Variants in LARS1 observed in about 807,000 individuals in gnomAD.
LARS1 encodes the protein leucine--tRNA ligase, cytoplasmic.
LARS1 carries 100 observed loss-of-function variants against 162.8 expected under a neutral mutation model. That is an observed-to-expected ratio of 0.61 (90% CI 0.52 to 0.73). The LOEUF is 0.73. Among genes scored for constraint, LARS1 ranks in the 30% least tolerant of loss-of-function variants. LARS1 has a pLI of 0.00. For missense variants in LARS1, 1,258 were observed against 1,408.9 expected (o/e 0.89, Z 1.71); for synonymous variants, 457 against 462.8 (o/e 0.99, Z 0.16).
chr5:146,143,894 C>T (rs1446576327), intron 18 of LARS1, among the ~76,000 whole-genome samples: 2 of 152,072 alleles, frequency 1.3e-5, no homozygotes, highest in African/African-American at 2.4e-5. Context: ...CCCAGCTACT[C>T]GGGAGGTTGA....
At chr5:146,154,577 C>T (rs36059140) in intron 10 of LARS1, among the ~76,000 whole-genome samples, 33,854 of 151,900 alleles carry the variant, frequency 0.22, 4,830 homozygotes, top group Admixed American at 0.34. Flanking sequence ...TAGGAGTTCG[C>T]GACCAGCCTG....
chr5:146,122,521 C>G lies in LARS1; in HGVS notation c.3163G>C (p.Gly1055Arg), dbSNP rs750823943. Residue 1055 changes from glycine to arginine, a missense_variant, in exon 30 of 32, where the codon GGG becomes CGG. Transcript: ENST00000394434. ...ATTCTAAAAACATTAAGTGGTTTCC[C>G]AGGACAGCAGTCTTCCCTGATTTTA... is the stretch of plus-strand genomic sequence containing the variant. ...EDKIREDCCP[G>R]KPLNVFRIEP... is the part of the protein sequence containing the mutation. 8.7e-6 allele frequency: 14 copies of G among 1,606,612 alleles called. No individual in the cohort carries two copies. Among genetic ancestry groups the G allele is most frequent in the Non-Finnish European group, 1.2e-5 (14 of 1,174,686 alleles).
At chr5:146,168,314 A>G in intron 4 of LARS1, 49 bp from the exon 5 acceptor site, 1 of 1,554,718 alleles carries the variant, frequency 6.4e-7, no homozygotes, top group South Asian at 1.2e-5. Context: ...GGTAGACACA[A>G]TTTCAGTTTT....
Position 146,157,716 on chromosome 5 carries a change from T to C in LARS1, c.839+12A>G. On this transcript the variant is annotated intron_variant, in intron 9 of 31. Transcript: ENST00000394434. ...TTCAGAAATGATAAAGCAATTACTC[T>C]GGCAAACCTACCTTAATTTAGATGG... 1 of 1,614,094 alleles carries C rather than the reference T, an allele frequency of 6.2e-7. No individual in the cohort carries two copies. Among genetic ancestry groups the C allele is most frequent in the Non-Finnish European group, 8.5e-7 (1 of 1,179,942 alleles).
chr5:146,156,600 C>A (rs886124990), intron 10 of LARS1, among the ~76,000 whole-genome samples: 2 of 151,846 alleles, frequency 1.3e-5, no homozygotes, highest in Non-Finnish European at 2.9e-5. Context: ...GAGGCTGAGG[C>A]AGGAGAATCG....
intron 6 of LARS1, among the ~76,000 whole-genome samples, chr5:146,161,155 T>C (rs1753760534): frequency 6.6e-6 from 1 of 152,176 alleles, no homozygotes; most frequent in South Asian, 2.1e-4. Context: ...AAAAAGACAA[T>C]GTATATACCT....
chr5:146,148,432 C>T (rs887719124), intron 15 of LARS1, among the ~76,000 whole-genome samples: 1 of 152,176 alleles, frequency 6.6e-6, no homozygotes, highest in Non-Finnish European at 1.5e-5. Flanking sequence ...AAATGGAGTA[C>T]TGACGAGTGT....
chr5:146,148,736 GA>G (rs34127596), intron 15 of LARS1, among the ~76,000 whole-genome samples: 40 of 148,204 alleles, frequency 2.7e-4, no homozygotes, highest in African/African-American at 6.4e-4. Context: ...ACCTAACCCT[GA>G]AAAAAAAAAA....
At chr5:146,120,639 A>G (rs1456062214) in intron 30 of LARS1, 136 bp from the exon 31 acceptor site, 4 of 835,538 alleles carry the variant, frequency 4.8e-6, no homozygotes, top group Non-Finnish European at 7.2e-6. Flanking sequence ...GAGTACTCAA[A>G]TATGAAAGAA....
intron 20 of LARS1, 128 bp from the exon 21 acceptor site, chr5:146,140,389 A>T: frequency 1.5e-6 from 1 of 669,874 alleles, no homozygotes; most frequent in Non-Finnish European, 2.6e-6. Context: ...GATATACACT[A>T]TAGTCCTTTT....
chr5:146,172,650 C>A, intron 3 of LARS1, 37 bp downstream of exon 3: 1 of 1,222,646 alleles, frequency 8.2e-7, no homozygotes, highest in South Asian at 1.5e-5. Flanking sequence ...CGTTAAAAAC[C>A]TTCCTCCCCA....
intron 5 of LARS1, among the ~76,000 whole-genome samples, chr5:146,167,329 A>G (rs895162852): frequency 4.6e-5 from 7 of 152,220 alleles, no homozygotes; most frequent in African/African-American, 1.4e-4. Context: ...ACATCTATAT[A>G]CTATCTTGCA....
intron 10 of LARS1, among the ~76,000 whole-genome samples, chr5:146,156,881 C>G (rs111931587): frequency 2.6e-5 from 4 of 151,858 alleles, no homozygotes; most frequent in African/African-American, 9.7e-5. Context: ...TATTAAATCT[C>G]TTGGGGAGGA....
chr5:146,123,964 A>G lies in LARS1; in HGVS notation c.3096+18T>C. ...TTAACTACAGTTAACTGGTTATTAC[A>G]ATCCCTGGCCCTCTTACCTCAAGCG... is the stretch of plus-strand genomic sequence containing the variant. On this transcript the variant is annotated intron_variant, in intron 29 of 31. Coordinates refer to ENST00000394434, the MANE Select transcript of LARS1 (RefSeq NM_020117.11). The G allele has an allele frequency of 7.4e-7, 1 of 1,360,188 alleles. No homozygotes were observed. Among genetic ancestry groups the G allele is most frequent in the Non-Finnish European group, 1.0e-6 (1 of 954,868 alleles). The allele number at this position is 1,360,188 out of a possible 1,614,324, so 84.3% of individuals were successfully genotyped here.
chr5:146,120,284 A>C, intron 31 of LARS1, 87 bp downstream of exon 31: 3 of 1,369,146 alleles, frequency 2.2e-6, no homozygotes, highest in Non-Finnish European at 3.1e-6. Flanking sequence ...TCCATAAGCA[A>C]GCCGGTTTCT....
intron 31 of LARS1, among the ~76,000 whole-genome samples, chr5:146,119,803 T>C (rs920438935): frequency 6.6e-6 from 1 of 152,194 alleles, no homozygotes; most frequent in Non-Finnish European, 1.5e-5. Flanking sequence ...ACAGACCTGT[T>C]TGAATTCCAG....
chr5:146,182,397 G>A lies in LARS1; in HGVS notation c.6+91C>T, dbSNP rs985659043. ...TAAGCGTGGCTCTCTTTTAGAAAAG[G>A]ACTTTCCCTTCAGGACAGCACATGG... On this transcript the variant is annotated intron_variant, in intron 1 of 31. Coordinates refer to ENST00000394434, the MANE Select transcript of LARS1 (RefSeq NM_020117.11). 4 of 1,537,820 alleles carry A rather than the reference G, an allele frequency of 2.6e-6. No homozygotes were observed. The African/African-American group carries it at 5.4e-5, about 21-fold the overall frequency.
At chr5:146,172,615 C>T in intron 3 of LARS1, 72 bp downstream of exon 3, 1 of 768,088 alleles carries the variant, frequency 1.3e-6, no homozygotes, top group South Asian at 2.3e-5. Flanking sequence ...AATTCTATAG[C>T]TGCCATTTTC....
chr5:146,146,705 T>C (rs1753024798), intron 15 of LARS1, among the ~76,000 whole-genome samples: 2 of 149,298 alleles, frequency 1.3e-5, no homozygotes, highest in South Asian at 4.3e-4. Flanking sequence ...ACTTCCAAAA[T>C]GCTCAGTTGC....
Sources: allele counts gnomAD v4.1 joint callset (sites outside exome capture counted in the v4.1 genomes callset), GRCh38; gene constraint gnomAD v4.1.1; transcripts MANE v1.5; gene names NCBI Gene and HGNC (gene_info 2026-07-23, HGNC 2026-07-21).